HMCN1: variants seen among roughly 807,000 people sequenced by gnomAD.
HMCN1 encodes the protein hemicentin-1.
A neutral mutation model predicts 625.9 loss-of-function variants in HMCN1; 321 were observed. The observed-to-expected ratio is 0.51, with a 90% CI of 0.47 to 0.56. The LOEUF (loss-of-function observed/expected upper bound fraction) is 0.56, where lower values mean the gene tolerates loss of function less well. HMCN1 is among the 20% of genes least tolerant of loss of function. The pLI is 0.00. For synonymous variants in HMCN1, 2,425 were observed against 2,417.6 expected (o/e 1.00, Z -0.09); for missense variants, 6,588 against 6,887.3 (o/e 0.96, Z 1.54).
At chr1:185,750,244 A>G (rs1654708091) in intron 1 of HMCN1, among the ~76,000 whole-genome samples, 1 of 152,156 alleles carries the variant, frequency 6.6e-6, no homozygotes, top group Non-Finnish European at 1.5e-5. Flanking sequence ...GCCTTCTTTT[A>G]TTTAAAGAAA....
chr1:186,153,023 T>C (rs970504765), intron 96 of HMCN1, 152 bp downstream of exon 96: 7 of 1,113,596 alleles, frequency 6.3e-6, no homozygotes, highest in Admixed American at 3.8e-5. Flanking sequence ...TGTTTAAAAA[T>C]CTTCAGGGAC....
intron 105 of HMCN1, among the ~76,000 whole-genome samples, chr1:186,184,710 TA>T (rs1161472555): frequency 6.6e-6 from 1 of 152,244 alleles, no homozygotes; most frequent in Non-Finnish European, 1.5e-5. Flanking sequence ...ATGTTTATCC[TA>T]AATTTTTTAG....
chr1:185,810,737 G>A (rs1257259246), intron 1 of HMCN1, among the ~76,000 whole-genome samples: 5 of 151,374 alleles, frequency 3.3e-5, no homozygotes, highest in African/African-American at 9.7e-5. Flanking sequence ...TTCCCATAAT[G>A]ATTAAAATTT....
At chr1:185,822,580 A>G (rs976668424) in intron 1 of HMCN1, among the ~76,000 whole-genome samples, 1 of 152,174 alleles carries the variant, frequency 6.6e-6, no homozygotes, top group African/African-American at 2.4e-5. Flanking sequence ...TAAGTCTACT[A>G]TGACTTCTAA....
intron 1 of HMCN1, among the ~76,000 whole-genome samples, chr1:185,807,346 A>G (rs1372420819): frequency 6.6e-6 from 1 of 152,220 alleles, no homozygotes; most frequent in Non-Finnish European, 1.5e-5. Flanking sequence ...CTTAGCTGTT[A>G]TACAGCCTAC....
At chr1:186,033,863 T>C (rs1291195457) in intron 36 of HMCN1, among the ~76,000 whole-genome samples, 1 of 152,172 alleles carries the variant, frequency 6.6e-6, no homozygotes, top group Non-Finnish European at 1.5e-5. Flanking sequence ...TATCCTTCTC[T>C]CCTCATGGTT....
At chr1:185,739,881 G>A (rs1653860472) in intron 1 of HMCN1, among the ~76,000 whole-genome samples, 1 of 152,168 alleles carries the variant, frequency 6.6e-6, no homozygotes, top group African/African-American at 2.4e-5. Flanking sequence ...TCGGTCATTA[G>A]GGAAGTCCTC....
rs1473563507 is a variant in HMCN1, at chr1:186,136,890, G to A, written c.13535G>A (p.Arg4512Gln). 1.5e-5 allele frequency: 25 copies of A among 1,613,954 alleles called. No homozygotes were observed. The highest frequency in any genetic ancestry group is 4.5e-5 in the East Asian group (2 of 44,876). The change falls in exon 87 of 107, where the codon CGA becomes CAA. Residue 4512 changes from arginine (R) to glutamine (Q), a missense_variant. Coordinates refer to ENST00000271588, the MANE Select transcript of HMCN1 (RefSeq NM_031935.3). ...EDTSEFECVA[R>Q]NLMGSVLVRV... Reference sequence around the variant, plus strand: ...ACCTCTGAATTTGAATGTGTTGCTCGAAACTTAATGGGTTCTGTCCTTGTC... The same window carrying A: ...ACCTCTGAATTTGAATGTGTTGCTCAAAACTTAATGGGTTCTGTCCTTGTC...
chr1:186,041,166 T>C, intron 40 of HMCN1, 30 bp downstream of exon 40: 2 of 1,597,210 alleles, frequency 1.3e-6, no homozygotes, highest in Non-Finnish European at 1.7e-6. Flanking sequence ...AATTCTCTTC[T>C]GGTAGAGATA....
chr1:186,014,360 C>T (rs1263138046), intron 30 of HMCN1, among the ~76,000 whole-genome samples: 3 of 151,374 alleles, frequency 2.0e-5, no homozygotes, highest in African/African-American at 7.3e-5. Context: ...TTCTAGGGTA[C>T]ATGTGCACAT....
At chr1:185,978,471 AT>A (rs1430689086) in intron 16 of HMCN1, among the ~76,000 whole-genome samples, 2 of 152,176 alleles carry the variant, frequency 1.3e-5, no homozygotes, top group African/African-American at 4.8e-5. Flanking sequence ...ATACTTTCTT[AT>A]CTAAAAATTT....
intron 11 of HMCN1, among the ~76,000 whole-genome samples, chr1:185,962,025 G>A (rs573144843): frequency 6.6e-6 from 1 of 152,186 alleles, no homozygotes; most frequent in African/African-American, 2.4e-5. Context: ...AATCGAATAT[G>A]GAATAATATG....
intron 100 of HMCN1, among the ~76,000 whole-genome samples, chr1:186,170,890 G>A (rs1008757575): frequency 6.6e-6 from 1 of 152,202 alleles, no homozygotes; most frequent in Non-Finnish European, 1.5e-5. Flanking sequence ...TGATGTTGAT[G>A]CAGTCAGGCA....
rs139462524 is a variant in HMCN1 at position 185,931,665 on chromosome 1, G to A, written c.1553-1884G>A. 7.6e-3 allele frequency among the ~76,000 whole-genome samples: 1,160 copies of A among 152,214 alleles called. 59 individuals carry two copies. The highest frequency in any genetic ancestry group is 0.073 in the Admixed American group (1,113 of 15,260). On this transcript the variant is annotated intron_variant, in intron 10 of 106. Coordinates refer to ENST00000271588, the MANE Select transcript of HMCN1 (RefSeq NM_031935.3). ...GGGGATGAAGGAAGTGGAAGAAGAGGAACTGTGCTACAGCTGCAGTAAGGG... is the reference window on the plus strand; with the variant it reads ...GGGGATGAAGGAAGTGGAAGAAGAGAAACTGTGCTACAGCTGCAGTAAGGG...
intron 58 of HMCN1, 129 bp from the exon 59 acceptor site, chr1:186,087,088 A>G: frequency 1.4e-6 from 1 of 694,790 alleles, no homozygotes; most frequent in Non-Finnish European, 2.6e-6. Flanking sequence ...ATTTTATTTT[A>G]AATAGGAAGG....
At chr1:186,040,748 A>G (rs547540333) in intron 39 of HMCN1, among the ~76,000 whole-genome samples, 1 of 152,240 alleles carries the variant, frequency 6.6e-6, no homozygotes, top group South Asian at 2.1e-4. Flanking sequence ...GTGAGTATGG[A>G]TGAAAGTTGA....
At position 185,779,343 on chromosome 1, in the gene HMCN1, G is replaced by T. The variant is rs530092084; in HGVS notation, c.268+44296G>T. Among the ~76,000 whole-genome samples the T allele has an allele frequency of 1.4e-4, 22 of 152,198 alleles. No individual in the cohort carries two copies. The East Asian group carries it at 2.3e-3, about 16-fold the overall frequency. ...TTTCTTTTGCTGTGCAGCAGCTCTT[G>T]AGTTTAATTAGATCCCATTTGTCAA... On this transcript the variant is annotated intron_variant, in intron 1 of 106. Coordinates refer to ENST00000271588, the MANE Select transcript of HMCN1 (RefSeq NM_031935.3).
At chr1:186,138,735 G>C (rs1219121284) in intron 89 of HMCN1, among the ~76,000 whole-genome samples, 1 of 152,148 alleles carries the variant, frequency 6.6e-6, no homozygotes. Flanking sequence ...TCAGTCTCTG[G>C]AAAGGAACCC....
intron 35 of HMCN1, among the ~76,000 whole-genome samples, chr1:186,022,480 C>G (rs528465044): frequency 4.9e-4 from 74 of 152,126 alleles, no homozygotes; most frequent in African/African-American, 1.7e-3. Flanking sequence ...CTAGTAACCT[C>G]CGAATAGCAT....
Sources: gnomAD v4.1 joint callset for allele counts (sites outside exome capture counted in the v4.1 genomes callset) on GRCh38, gnomAD v4.1.1 for gene constraint, MANE v1.5 for transcripts, NCBI Gene and HGNC (gene_info 2026-07-23, HGNC 2026-07-21) for gene names.